MYO5B: variants seen among roughly 807,000 people sequenced by gnomAD.
The protein encoded by MYO5B is unconventional myosin-Vb.
MYO5B carries 143 observed loss-of-function variants against 229.3 expected under a neutral mutation model. The observed-to-expected ratio is 0.62, with a 90% CI of 0.54 to 0.72. MYO5B has a LOEUF of 0.72. Ranked by LOEUF, MYO5B falls within the 30% of genes least tolerant of loss-of-function variation. The pLI is 0.00. For missense variants in MYO5B, 2,321 were observed against 2,331.0 expected (o/e 1.00, Z 0.09); for synonymous variants, 918 against 885.2 (o/e 1.04, Z -0.66).
chr18:49,879,215 G>C, intron 23 of MYO5B, 125 bp from the exon 24 acceptor site: 4 of 1,168,040 alleles, frequency 3.4e-6, no homozygotes, highest in Non-Finnish European at 5.0e-6. Context: ...GGCTCTTGAT[G>C]AATCTATTAC....
At chr18:49,893,465 G>C (rs1355103231) in intron 22 of MYO5B, among the ~76,000 whole-genome samples, 2 of 152,156 alleles carry the variant, frequency 1.3e-5, no homozygotes, top group Admixed American at 6.5e-5. Flanking sequence ...TAGGTTACAA[G>C]ACTTGTAGAC....
chr18:50,165,354 A>G (rs958343292), intron 1 of MYO5B, among the ~76,000 whole-genome samples: 1 of 152,128 alleles, frequency 6.6e-6, no homozygotes, highest in Non-Finnish European at 1.5e-5. Context: ...ACGGTGGCAG[A>G]TGCCTATGGT....
intron 1 of MYO5B, among the ~76,000 whole-genome samples, chr18:50,133,789 ATTC>A (rs1190670331): frequency 6.6e-6 from 1 of 152,166 alleles, no homozygotes; most frequent in Non-Finnish European, 1.5e-5. Flanking sequence ...GGGACTCCGC[ATTC>A]TTCATCAGCT....
intron 2 of MYO5B, among the ~76,000 whole-genome samples, chr18:50,048,875 T>C (rs934170634): frequency 1.3e-5 from 2 of 151,894 alleles, no homozygotes; most frequent in African/African-American, 4.8e-5. Context: ...ATACAAAAAT[T>C]AGCTGGCGTG....
chr18:50,116,993 A>T (rs1265121877), intron 1 of MYO5B, among the ~76,000 whole-genome samples: 2 of 152,202 alleles, frequency 1.3e-5, no homozygotes, highest in Non-Finnish European at 2.9e-5. Flanking sequence ...CACAGCACAT[A>T]AGTACTATTA....
At chr18:49,872,071 G>T in intron 27 of MYO5B, 96 bp downstream of exon 27, 5 of 1,148,960 alleles carry the variant, frequency 4.4e-6, no homozygotes, top group Non-Finnish European at 6.6e-6. Context: ...CTTGTTAGCA[G>T]ACTGGGGCTC....
At chr18:49,917,081 C>T (rs550511825) in intron 17 of MYO5B, among the ~76,000 whole-genome samples, 1 of 152,158 alleles carries the variant, frequency 6.6e-6, no homozygotes, top group Non-Finnish European at 1.5e-5. Flanking sequence ...GAATCTCCCC[C>T]TCTCACAGCA....
chr18:50,009,671 G>A (rs2026141842), intron 4 of MYO5B, among the ~76,000 whole-genome samples: 1 of 152,068 alleles, frequency 6.6e-6, no homozygotes, highest in Non-Finnish European at 1.5e-5. Context: ...GTCAGATTTG[G>A]GCTCAAAACA....
chr18:50,136,681 A>G (rs1189091206), intron 1 of MYO5B, among the ~76,000 whole-genome samples: 1 of 152,218 alleles, frequency 6.6e-6, no homozygotes, highest in African/African-American at 2.4e-5. Flanking sequence ...GGTCTAAGGC[A>G]TCTGGGTTCA....
At chr18:49,919,341 C>G (rs1197057723) in intron 17 of MYO5B, among the ~76,000 whole-genome samples, 1 of 151,960 alleles carries the variant, frequency 6.6e-6, no homozygotes, top group Non-Finnish European at 1.5e-5. Context: ...AAATTAAAAG[C>G]TTTTGTGCTT....
chr18:49,862,511 C>T (rs1034585415), intron 29 of MYO5B, among the ~76,000 whole-genome samples: 27 of 152,186 alleles, frequency 1.8e-4, no homozygotes, highest in African/African-American at 6.0e-4. Context: ...ACTGAGGCAC[C>T]TATCGGTCAT....
chr18:50,043,045 G>A (rs2030068765), intron 2 of MYO5B, among the ~76,000 whole-genome samples: 1 of 149,876 alleles, frequency 6.7e-6, no homozygotes, highest in African/African-American at 2.5e-5. Flanking sequence ...AGAACTAAAA[G>A]TAGAACTACC....
intron 1 of MYO5B, among the ~76,000 whole-genome samples, chr18:50,160,588 T>G (rs1355030091): frequency 2.0e-5 from 3 of 151,904 alleles, no homozygotes; most frequent in African/African-American, 7.3e-5. Context: ...ACATTCCCCA[T>G]GAAAGGTCAG....
Position 50,073,104 on chromosome 18 carries a change from C to T in MYO5B, c.28-17726G>A, listed in dbSNP as rs148528910. On this transcript the variant is annotated intron_variant, in intron 1 of 39. Coordinates refer to ENST00000285039, the MANE Select transcript of MYO5B (RefSeq NM_001080467.3). ...GCCAGAAGTTGACTGAGTAGTTTAG[C>T]GATCTGGATAAAAGAAAGTATACTT... 4.6e-5 allele frequency among the ~76,000 whole-genome samples: 7 copies of T among 152,218 alleles called. No homozygotes were observed. The East Asian group carries it at 9.7e-4, about 21-fold the overall frequency.
chr18:49,951,168 T>C (rs2025427192), intron 14 of MYO5B, among the ~76,000 whole-genome samples: 1 of 152,196 alleles, frequency 6.6e-6, no homozygotes, highest in South Asian at 2.1e-4. Flanking sequence ...TGGAAGGGAC[T>C]CTTGGAAGCT....
chr18:50,047,981 C>T (rs2030283582), intron 2 of MYO5B, among the ~76,000 whole-genome samples: 1 of 151,312 alleles, frequency 6.6e-6, no homozygotes, highest in Admixed American at 6.6e-5. Flanking sequence ...GGAGATATAC[C>T]TAATGTAAAT....
At position 49,837,657 on chromosome 18, in the gene MYO5B, T is replaced by C. The variant is rs1271367875; in HGVS notation, c.4998A>G (p.Thr1666=). The change falls in exon 37 of 40, where the codon ACA becomes ACG. Residue 1666 remains threonine (T), a synonymous_variant. Coordinates refer to ENST00000285039, the MANE Select transcript of MYO5B (RefSeq NM_001080467.3). The part of the protein sequence containing the change: ...AIIRQMNAFH[T]VMCDQGLDPE... ...GGTCCAAGCCCTGGTCACACATGAC[T>C]GTATGAAAGGCATTCATCTGGCGGA... 3.1e-6 allele frequency: 5 copies of C among 1,614,058 alleles called. No individual in the cohort carries two copies. Among genetic ancestry groups the C allele is most frequent in the Non-Finnish European group, 4.2e-6 (5 of 1,179,904 alleles).
intron 33 of MYO5B, 127 bp downstream of exon 33, chr18:49,847,019 T>C: frequency 2.6e-6 from 3 of 1,174,608 alleles, no homozygotes; most frequent in Non-Finnish European, 3.6e-6. Flanking sequence ...CAAGGGCAAG[T>C]AGGAGACAGA....
chr18:50,086,615 C>T (rs1192033705), intron 1 of MYO5B, among the ~76,000 whole-genome samples: 1 of 152,158 alleles, frequency 6.6e-6, no homozygotes, highest in Non-Finnish European at 1.5e-5. Flanking sequence ...GCACTGGAGA[C>T]ACGGAGAAAT....
Sources: allele counts gnomAD v4.1 joint callset (sites outside exome capture counted in the v4.1 genomes callset), GRCh38; gene constraint gnomAD v4.1.1; transcripts MANE v1.5; gene names NCBI Gene and HGNC (gene_info 2026-07-23, HGNC 2026-07-21).